LSAMP: variants seen among roughly 807,000 people sequenced by gnomAD.
LSAMP encodes the protein limbic system-associated membrane protein.
In LSAMP, 7 loss-of-function variants were observed where a neutral mutation model predicts 38.6. The ratio of observed to expected loss-of-function variants is 0.18; its 90% CI spans 0.10 to 0.34. The LOEUF (loss-of-function observed/expected upper bound fraction) is 0.34, where lower values mean the gene tolerates loss of function less well. Ranked by LOEUF, LSAMP falls within the 10% of genes least tolerant of loss-of-function variation. The pLI is 1.00. For synonymous variants in LSAMP, 154 were observed against 166.8 expected (o/e 0.92, Z 0.59); for missense variants, 313 against 420.0 (o/e 0.75, Z 2.23).
chr3:116,081,649 C>T (rs1707875271), intron 2 of LSAMP, among the ~76,000 whole-genome samples: 1 of 151,616 alleles, frequency 6.6e-6, no homozygotes, highest in Middle Eastern at 3.4e-3. Flanking sequence ...ATAAGGAGTC[C>T]CACTCTCATA....
chr3:115,832,168 A>G (rs1472304221), intron 6 of LSAMP, among the ~76,000 whole-genome samples: 1 of 152,214 alleles, frequency 6.6e-6, no homozygotes, highest in South Asian at 2.1e-4. Flanking sequence ...AGAGATATTA[A>G]TAATAAAGCA....
At chr3:116,147,183 A>G (rs1709510493) in intron 1 of LSAMP, among the ~76,000 whole-genome samples, 1 of 151,918 alleles carries the variant, frequency 6.6e-6, no homozygotes, top group Non-Finnish European at 1.5e-5. Flanking sequence ...TCTATTTGTC[A>G]TTATTCTAAA....
chr3:116,004,529 T>TATAC (rs774120582), intron 3 of LSAMP, among the ~76,000 whole-genome samples: 1 of 148,588 alleles, frequency 6.7e-6, no homozygotes, highest in Non-Finnish European at 1.5e-5. Context: ...TGTGTATATA[T>TATAC]ATATATACAC....
chr3:116,294,094 T>C (rs1011391681), intron 1 of LSAMP, among the ~76,000 whole-genome samples: 1 of 152,066 alleles, frequency 6.6e-6, no homozygotes, highest in African/African-American at 2.4e-5. Context: ...ATGATCATCA[T>C]CACTTTCAAT....
chr3:116,060,138 C>T (rs1941566795), intron 2 of LSAMP, among the ~76,000 whole-genome samples: 1 of 151,924 alleles, frequency 6.6e-6, no homozygotes, highest in Non-Finnish European at 1.5e-5. Context: ...GCTTTCCTAA[C>T]CTCCCCTTCC....
chr3:116,413,668 C>T (rs920972804), intron 1 of LSAMP, among the ~76,000 whole-genome samples: 7 of 151,948 alleles, frequency 4.6e-5, no homozygotes, highest in East Asian at 1.9e-4. Context: ...ATGCAGCAGG[C>T]GGAGAAAGGC....
At chr3:115,967,143 A>C (rs1279815576) in intron 3 of LSAMP, among the ~76,000 whole-genome samples, 1 of 152,180 alleles carries the variant, frequency 6.6e-6, no homozygotes. Flanking sequence ...TCCCTTTTAA[A>C]ACCAAGTGCC....
At chr3:116,089,446 C>A (rs1319516461) in intron 1 of LSAMP, among the ~76,000 whole-genome samples, 1 of 152,182 alleles carries the variant, frequency 6.6e-6, no homozygotes, top group Admixed American at 6.5e-5. Flanking sequence ...CAAGCTCTGC[C>A]TCCCAGGTTC....
intron 2 of LSAMP, among the ~76,000 whole-genome samples, chr3:116,030,196 C>T (rs1940888024): frequency 6.6e-6 from 1 of 152,056 alleles, no homozygotes; most frequent in Non-Finnish European, 1.5e-5. Context: ...TCACGATCAC[C>T]TCAGAATCTA....
chr3:115,912,799 G>A (rs1020116190), intron 3 of LSAMP, among the ~76,000 whole-genome samples: 21 of 152,096 alleles, frequency 1.4e-4, no homozygotes, highest in African/African-American at 5.1e-4. Context: ...GGCTTCCTTT[G>A]TCTGTGTCCA....
chr3:115,837,190 T>G (rs1275877723), intron 6 of LSAMP, among the ~76,000 whole-genome samples: 2 of 152,190 alleles, frequency 1.3e-5, no homozygotes, highest in African/African-American at 2.4e-5. Flanking sequence ...AGGTAGCACT[T>G]GAAATTTAGT....
intron 3 of LSAMP, among the ~76,000 whole-genome samples, chr3:115,912,815 A>G (rs1212604324): frequency 6.6e-6 from 1 of 151,992 alleles, no homozygotes; most frequent in Non-Finnish European, 1.5e-5. Context: ...GTCCATTGGC[A>G]TTTTCAGATT....
rs536240791 is a variant in LSAMP at position 115,946,201 on chromosome 3, G to A, written c.514+73314C>T. Among the ~76,000 whole-genome samples, 3 of 152,290 alleles carry A rather than the reference G, an allele frequency of 2.0e-5. No individual in the cohort carries two copies. The South Asian group carries it at 6.2e-4, about 32-fold the overall frequency. ...GCATGATCTCACTTATGTGTGGAAT[G>A]TAAGAATGTTGAAATCATACAAACT... On this transcript the variant is annotated intron_variant, in intron 3 of 6. Transcript: ENST00000490035.
At chr3:116,206,818 T>C (rs1418472341) in intron 1 of LSAMP, among the ~76,000 whole-genome samples, 1 of 151,502 alleles carries the variant, frequency 6.6e-6, no homozygotes, top group Non-Finnish European at 1.5e-5. Context: ...AGAGCTTTAC[T>C]TCCAAGTATG....
chr3:116,269,486 A>G (rs1559806578), intron 1 of LSAMP, among the ~76,000 whole-genome samples: 1 of 152,064 alleles, frequency 6.6e-6, no homozygotes, highest in Non-Finnish European at 1.5e-5. Flanking sequence ...AATACTACAT[A>G]ATGATCTGTT....
At chr3:115,950,075 G>A (rs537247016) in intron 3 of LSAMP, among the ~76,000 whole-genome samples, 9 of 152,036 alleles carry the variant, frequency 5.9e-5, no homozygotes, top group Non-Finnish European at 1.3e-4. Context: ...CCATAGAAAG[G>A]ACATAGCTCA....
intron 1 of LSAMP, among the ~76,000 whole-genome samples, chr3:116,201,586 C>T (rs1490334245): frequency 6.6e-6 from 1 of 152,024 alleles, no homozygotes; most frequent in Non-Finnish European, 1.5e-5. Context: ...CTTAAAATAG[C>T]CTCAAATCCA....
intron 1 of LSAMP, among the ~76,000 whole-genome samples, chr3:116,172,654 T>A (rs139336286): frequency 9.9e-5 from 15 of 152,096 alleles, no homozygotes; most frequent in African/African-American, 3.4e-4. Flanking sequence ...TTCTCTCAAT[T>A]CTTCTCTCAA....
chr3:116,176,559 T>C (rs1710348118), intron 1 of LSAMP, among the ~76,000 whole-genome samples: 1 of 152,102 alleles, frequency 6.6e-6, no homozygotes, highest in Admixed American at 6.6e-5. Flanking sequence ...AGGTTCTTTG[T>C]TAGTGTCAGG....
Sources: gnomAD v4.1 joint callset for allele counts (sites outside exome capture counted in the v4.1 genomes callset) on GRCh38, gnomAD v4.1.1 for gene constraint, MANE v1.5 for transcripts, NCBI Gene and HGNC (gene_info 2026-07-23, HGNC 2026-07-21) for gene names.